Variants in AGBL4 observed in about 807,000 individuals in gnomAD.
The protein encoded by AGBL4 is cytosolic carboxypeptidase 6.
In AGBL4, 58 loss-of-function variants were observed where a neutral mutation model predicts 66.4. The observed-to-expected ratio is 0.87, with a 90% CI of 0.71 to 1.09. The LOEUF (loss-of-function observed/expected upper bound fraction) is 1.09. Ranked by LOEUF, AGBL4 falls within the 50% of genes least tolerant of loss-of-function variation. AGBL4 has a pLI of 0.00. For missense variants in AGBL4, 579 were observed against 631.0 expected, an observed-to-expected ratio of 0.92 and a Z score of 0.88; for synonymous variants, 234 against 222.9, an observed-to-expected ratio of 1.05 and a Z score of -0.44.
At chr1:48,579,166 C>A (rs1302576736) in intron 11 of AGBL4, among the ~76,000 whole-genome samples, 1 of 152,158 alleles carries the variant, frequency 6.6e-6, no homozygotes, top group Admixed American at 6.5e-5. Flanking sequence ...CAACCCTTTT[C>A]TCCAATAGTC....
intron 3 of AGBL4, among the ~76,000 whole-genome samples, chr1:49,351,573 G>A (rs1244981482): frequency 6.6e-6 from 1 of 152,110 alleles, no homozygotes; most frequent in African/African-American, 2.4e-5. Context: ...GTGGGAATGA[G>A]ATGAGATTGG....
rs566432098 is a variant in AGBL4, at chr1:48,772,542, G to C, written c.634+94649C>G. 3.0e-4 allele frequency among the ~76,000 whole-genome samples: 46 copies of C among 152,332 alleles called. 2 individuals carry two copies. The South Asian group carries it at 8.9e-3, about 29-fold the overall frequency. ...TAGGTCTCAGGGAAAGGGGAAGAGA[G>C]AGTGAGGCTGGAGAAGTAAGGTGGG... is the stretch of plus-strand genomic sequence containing the variant. On this transcript the variant is annotated intron_variant, in intron 6 of 13. Coordinates refer to ENST00000371839, the MANE Select transcript of AGBL4 (RefSeq NM_032785.4).
chr1:49,941,025 A>G (rs929927539), intron 1 of AGBL4, among the ~76,000 whole-genome samples: 3 of 152,148 alleles, frequency 2.0e-5, no homozygotes, highest in East Asian at 3.8e-4. Flanking sequence ...ATCATAAAAG[A>G]GTACTATGAA....
intron 3 of AGBL4, among the ~76,000 whole-genome samples, chr1:49,425,744 A>G (rs1645642483): frequency 6.6e-6 from 1 of 152,196 alleles, no homozygotes; most frequent in Admixed American, 6.5e-5. Context: ...TGACCAAAGT[A>G]GAGACCAGGG....
chr1:49,705,774 G>A (rs566927535), intron 2 of AGBL4, among the ~76,000 whole-genome samples: 16 of 151,562 alleles, frequency 1.1e-4, no homozygotes, highest in East Asian at 7.8e-4. Context: ...GAATTTTATC[G>A]AAGGCCTTTT....
intron 6 of AGBL4, among the ~76,000 whole-genome samples, chr1:48,802,296 C>T (rs1645827626): frequency 1.3e-5 from 2 of 152,162 alleles, no homozygotes. Context: ...TCACCTTAGC[C>T]ATTATCTCTC....
At chr1:48,656,880 C>G (rs1278123084) in intron 7 of AGBL4, among the ~76,000 whole-genome samples, 1 of 152,146 alleles carries the variant, frequency 6.6e-6, no homozygotes, top group East Asian at 1.9e-4. Context: ...ATGTTCACTA[C>G]TTGGGTGATG....
intron 2 of AGBL4, among the ~76,000 whole-genome samples, chr1:49,847,243 A>G (rs1193615166): frequency 2.0e-5 from 3 of 152,218 alleles, no homozygotes; most frequent in Admixed American, 2.0e-4. Context: ...ATCTCTTGGC[A>G]TACACAAAAA....
intron 5 of AGBL4, among the ~76,000 whole-genome samples, chr1:48,888,068 A>G (rs1650546215): frequency 6.6e-6 from 1 of 152,146 alleles, no homozygotes; most frequent in Non-Finnish European, 1.5e-5. Flanking sequence ...GGCTGTGAGG[A>G]TGACACACAG....
At chr1:49,882,999 C>A (rs900471712) in intron 1 of AGBL4, among the ~76,000 whole-genome samples, 3 of 152,052 alleles carry the variant, frequency 2.0e-5, no homozygotes, top group African/African-American at 2.4e-5. Context: ...TCTGCCTACA[C>A]GTACATGCAA....
At chr1:49,398,815 T>C (rs1645025375) in intron 3 of AGBL4, among the ~76,000 whole-genome samples, 2 of 152,158 alleles carry the variant, frequency 1.3e-5, no homozygotes, top group African/African-American at 2.4e-5. Context: ...GTGTCCATCA[T>C]CTCAAGCACT....
chr1:48,951,340 A>G (rs887934446), intron 5 of AGBL4, among the ~76,000 whole-genome samples: 4 of 152,198 alleles, frequency 2.6e-5, no homozygotes, highest in Non-Finnish European at 5.9e-5. Flanking sequence ...CACTAATCAC[A>G]TGTGAAGAGA....
intron 1 of AGBL4, among the ~76,000 whole-genome samples, chr1:49,947,478 G>A (rs183065672): frequency 9.3e-4 from 142 of 151,886 alleles, no homozygotes; most frequent in South Asian, 2.3e-3. Context: ...AAAAGCATTT[G>A]ACAAAATCCA....
intron 5 of AGBL4, among the ~76,000 whole-genome samples, chr1:49,002,042 G>T (rs1007918376): frequency 2.6e-5 from 4 of 152,190 alleles, no homozygotes; most frequent in Non-Finnish European, 5.9e-5. Context: ...CTAGGACATA[G>T]CTAGAGTGTA....
intron 3 of AGBL4, among the ~76,000 whole-genome samples, chr1:49,570,055 T>C (rs994805725): frequency 1.3e-5 from 2 of 152,326 alleles, no homozygotes; most frequent in South Asian, 4.1e-4. Context: ...CAAGTGCAGG[T>C]ATCTTTTTGA....
intron 1 of AGBL4, among the ~76,000 whole-genome samples, chr1:49,910,839 G>A (rs747608344): frequency 2.6e-5 from 4 of 152,078 alleles, no homozygotes; most frequent in Non-Finnish European, 4.4e-5. Flanking sequence ...AGCCGGGCAC[G>A]GCGGCATGCG....
chr1:49,747,520 A>C (rs1000629374), intron 2 of AGBL4, among the ~76,000 whole-genome samples: 3 of 152,206 alleles, frequency 2.0e-5, no homozygotes, highest in African/African-American at 4.8e-5. Context: ...AAACTATTTA[A>C]TAATGTTGAC....
intron 9 of AGBL4, among the ~76,000 whole-genome samples, chr1:48,604,130 C>CAAA (rs1645118203): frequency 8.0e-6 from 1 of 124,542 alleles, no homozygotes; most frequent in Middle Eastern, 3.7e-3. Context: ...GAGACTTCAT[C>CAAA]TCAAAACAAA....
intron 3 of AGBL4, among the ~76,000 whole-genome samples, chr1:49,393,246 T>G (rs1038624700): frequency 6.6e-6 from 1 of 152,088 alleles, no homozygotes; most frequent in Non-Finnish European, 1.5e-5. Context: ...AGTAAAATAA[T>G]AAATATAACA....
Sources: gnomAD v4.1 joint callset for allele counts (sites outside exome capture counted in the v4.1 genomes callset) on GRCh38, gnomAD v4.1.1 for gene constraint, MANE v1.5 for transcripts, NCBI Gene and HGNC (gene_info 2026-07-23, HGNC 2026-07-21) for gene names.